Variants in GYG1 observed in about 807,000 individuals in gnomAD.
GYG1 encodes the protein glycogenin 1.
In GYG1, 44 loss-of-function variants were observed where a neutral mutation model predicts 41.9. The ratio of observed to expected loss-of-function variants is 1.05; its 90% CI spans 0.83 to 1.35. The LOEUF (loss-of-function observed/expected upper bound fraction) is 1.35. Among genes scored for constraint, GYG1 ranks in the 40% most tolerant of loss-of-function variants. The pLI, the probability that GYG1 is intolerant of heterozygous loss-of-function variation, is 0.00. For synonymous variants in GYG1, 141 were observed against 158.1 expected (o/e 0.89, Z 0.81); for missense variants, 429 against 418.9 (o/e 1.02, Z -0.21).
chr3:149,005,442 G>A lies in GYG1; in HGVS notation c.482-3834G>A, dbSNP rs148221867. On this transcript the variant is annotated intron_variant, in intron 4 of 7. Transcript: ENST00000345003. ...AGTTATAATCACAATGTATGTAGCT[G>A]TATATATTACACAGTGTACTGAAGT... Among the ~76,000 whole-genome samples, 42 of 152,282 alleles carry A rather than the reference G, an allele frequency of 2.8e-4. No individual in the cohort carries two copies. The East Asian group carries it at 7.9e-3, about 29-fold the overall frequency.
At chr3:149,016,365 A>G (rs1015188602) in intron 5 of GYG1, among the ~76,000 whole-genome samples, 2 of 151,904 alleles carry the variant, frequency 1.3e-5, no homozygotes, top group Non-Finnish European at 2.9e-5. Context: ...GCTTGTAGGC[A>G]GGTGTTATGT....
chr3:149,006,464 A>G (rs889486586), intron 4 of GYG1, among the ~76,000 whole-genome samples: 1 of 152,034 alleles, frequency 6.6e-6, no homozygotes. Context: ...CTATCTCTAT[A>G]CTTTTATTAT....
In GYG1 at chr3:149,002,735, A is replaced by G. The variant is rs528532996; in HGVS notation, c.481+5831A>G. Among the ~76,000 whole-genome samples the G allele has an allele frequency of 2.0e-5, 3 of 152,314 alleles. No homozygotes were observed. In the South Asian group the frequency reaches 6.2e-4, roughly 32 times the overall value. ...TTTGTAGGAAGTTAGTTTTAAAAAG[A>G]AGTGTCCAGGCGCAGTGGCTCACAC... On this transcript the variant is annotated intron_variant, in intron 4 of 7. Transcript: ENST00000345003.
At chr3:149,006,670 C>T (rs1251098032) in intron 4 of GYG1, among the ~76,000 whole-genome samples, 1 of 152,112 alleles carries the variant, frequency 6.6e-6, no homozygotes, top group East Asian at 1.9e-4. Flanking sequence ...TCAGTTTGTA[C>T]CATTATGAAC....
intron 6 of GYG1, 107 bp downstream of exon 6, chr3:149,024,379 A>G (rs934387646): frequency 3.9e-6 from 3 of 766,614 alleles, no homozygotes; most frequent in Non-Finnish European, 4.6e-6. Context: ...AAAGAGATAA[A>G]TAAAATTTTG....
intron 5 of GYG1, among the ~76,000 whole-genome samples, chr3:149,013,198 T>C (rs1244806702): frequency 6.6e-6 from 1 of 152,182 alleles, no homozygotes; most frequent in African/African-American, 2.4e-5. Context: ...CTTAGCATAA[T>C]GTTTGGGATA....
At position 149,029,705 on chromosome 3, in the gene GYG1, A is replaced by G. The variant is rs1006701091; in HGVS notation, c.*2772A>G. ...CAGCAATGTCTTTGCCATTCCCCAAAACAAAGCACACACTGCCGAAGATCA... is the reference window on the plus strand; with the variant it reads ...CAGCAATGTCTTTGCCATTCCCCAAGACAAAGCACACACTGCCGAAGATCA... On this transcript the variant is annotated 3_prime_UTR_variant, in exon 8 of 8. Transcript: ENST00000345003. Among the ~76,000 whole-genome samples, 1 of 152,226 alleles carries G rather than the reference A, an allele frequency of 6.6e-6. No homozygotes were observed. Among genetic ancestry groups the G allele is most frequent in the Non-Finnish European group, 1.5e-5 (1 of 68,028 alleles).
In GYG1 at chr3:148,996,465, G is replaced by A; in HGVS notation, c.307G>A (p.Ala103Thr). 6.2e-7 allele frequency: 1 copy of A among 1,613,616 alleles called. No individual in the cohort carries two copies. Among genetic ancestry groups the A allele is most frequent in the Non-Finnish European group, 8.5e-7 (1 of 1,179,660 alleles). ...GTATTCAAAATGTGTATTCATGGAT[G>A]CAGATACTCTGGTGAGTGTGGCTTT... Reference protein sequence around the residue: ...TQYSKCVFMDADTLVLANIDD... With the variant: ...TQYSKCVFMDTDTLVLANIDD... Residue 103 changes from alanine (A) to threonine (T), a missense_variant, in exon 3 of 8, where the codon GCA (alanine) becomes ACA (threonine). Ala to Thr is a moderately conservative substitution (Grantham distance 58). Coordinates refer to ENST00000345003, the MANE Select transcript of GYG1 (RefSeq NM_004130.4).
At chr3:149,012,955 A>C (rs1713812193) in intron 5 of GYG1, among the ~76,000 whole-genome samples, 1 of 150,422 alleles carries the variant, frequency 6.6e-6, no homozygotes, top group Non-Finnish European at 1.5e-5. Context: ...CCTCCTGATG[A>C]GTAGCTGGGA....
rs1480355811 is a variant in GYG1 at position 149,004,001 on chromosome 3, A to C, written c.482-5275A>C. 6 of 152,252 alleles carry C rather than the reference A, an allele frequency of 3.9e-5. No homozygotes were observed. In the East Asian group the frequency reaches 1.2e-3, roughly 29 times the overall value. 9.4% of individuals were successfully genotyped at this position (152,252 alleles called of 1,614,324 possible). On this transcript the variant is annotated intron_variant, in intron 4 of 7. Transcript: ENST00000345003. Reference sequence around the variant, plus strand: ...ATAAATGCATCCATGGTTACCAGGTATGTGACCCTGCTCAGAAGACCTAGA... The same window carrying C: ...ATAAATGCATCCATGGTTACCAGGTCTGTGACCCTGCTCAGAAGACCTAGA...
Position 148,994,127 on chromosome 3 carries a change from TTTC to T in GYG1, c.8-12_8-10del. 6.2e-7 allele frequency: 1 copy of T among 1,612,618 alleles called. No homozygotes were observed. Among genetic ancestry groups the T allele is most frequent in the Non-Finnish European group, 8.5e-7 (1 of 1,178,648 alleles). The stretch of plus-strand genomic sequence containing the variant: ...AAGATACTGTAATGAGTGTTTTTTT[TTTC>T]TTTGTATTAAGATCAGGCCTTTGTG... On this transcript the variant is annotated splice_polypyrimidine_tract_variant and intron_variant, in intron 1 of 7. Coordinates refer to ENST00000345003, the MANE Select transcript of GYG1 (RefSeq NM_004130.4).
At chr3:149,021,376 A>G (rs1714364854) in intron 5 of GYG1, among the ~76,000 whole-genome samples, 1 of 152,222 alleles carries the variant, frequency 6.6e-6, no homozygotes, top group South Asian at 2.1e-4. Context: ...TGTGTTACAT[A>G]TACTTACGTG....
intron 5 of GYG1, among the ~76,000 whole-genome samples, chr3:149,010,039 A>G (rs1713629268): frequency 6.6e-6 from 1 of 152,222 alleles, no homozygotes; most frequent in African/African-American, 2.4e-5. Context: ...CCAACTGCTC[A>G]GTACACGTTA....
rs4938 is a variant in GYG1 at position 149,009,346 on chromosome 3, G to A, written c.552G>A (p.Pro184=). 496,711 of 1,609,844 alleles carry A rather than the reference G, an allele frequency of 0.31. 77,383 individuals are homozygous for A. The highest frequency in any genetic ancestry group is 0.34 in the Admixed American group (20,277 of 59,986). The change falls in exon 5 of 8, where the codon CCG becomes CCA. Residue 184 remains proline, a synonymous_variant. Transcript: ENST00000345003. The part of the protein sequence containing the change: ...WATTDIRKHL[P]FIYNLSSISI... The stretch of plus-strand genomic sequence containing the variant: ...CAACAGATATCAGAAAACACCTGCC[G>A]TTTATTTATAACCTAAGCAGCATCT...
intron 5 of GYG1, among the ~76,000 whole-genome samples, chr3:149,017,960 T>C (rs530359621): frequency 2.3e-4 from 35 of 152,250 alleles, no homozygotes; most frequent in Non-Finnish European, 4.1e-4. Flanking sequence ...TAATAACTGC[T>C]GGTTGCATTT....
intron 4 of GYG1, among the ~76,000 whole-genome samples, chr3:148,999,036 A>C (rs1184544374): frequency 6.6e-6 from 1 of 152,228 alleles, no homozygotes; most frequent in African/African-American, 2.4e-5. Context: ...AACCTAGAAA[A>C]CGATTAGATG....
chr3:148,991,671 GCCA>G, intron 1 of GYG1, 24 bp downstream of exon 1: 1 of 1,512,780 alleles, frequency 6.6e-7, no homozygotes, highest in Non-Finnish European at 8.8e-7. Flanking sequence ...GCCCGCCGCC[GCCA>G]GCCCCGGGAC....
intron 5 of GYG1, among the ~76,000 whole-genome samples, chr3:149,019,130 A>T (rs1193304793): frequency 2.0e-5 from 3 of 151,666 alleles, no homozygotes; most frequent in Middle Eastern, 3.2e-3. Context: ...AAGCATTTCC[A>T]TTCCTTACTG....
intron 6 of GYG1, among the ~76,000 whole-genome samples, chr3:149,024,604 T>C (rs1021948001): frequency 2.6e-5 from 4 of 152,234 alleles, no homozygotes; most frequent in Non-Finnish European, 4.4e-5. Flanking sequence ...CAACACCCCA[T>C]TGAATGTTTT....
Sources: allele counts gnomAD v4.1 joint callset (sites outside exome capture counted in the v4.1 genomes callset), GRCh38; gene constraint gnomAD v4.1.1; transcripts MANE v1.5; gene names NCBI Gene and HGNC (gene_info 2026-07-23, HGNC 2026-07-21).